Variants in LRMDA observed in about 807,000 individuals in gnomAD.
The protein encoded by LRMDA is leucine-rich melanocyte differentiation-associated protein.
LRMDA carries 18 observed loss-of-function variants against 29.8 expected under a neutral mutation model. That is an observed-to-expected ratio of 0.60 (90% CI 0.42 to 0.90). LRMDA has a LOEUF of 0.90. Ranked by LOEUF, LRMDA falls within the 40% of genes least tolerant of loss-of-function variation. LRMDA has a pLI of 0.00. For missense variants in LRMDA, 273 were observed against 273.9 expected (o/e 1.00, Z 0.02); for synonymous variants, 125 against 109.4 (o/e 1.14, Z -0.89).
intron 2 of LRMDA, chr10:75,552,423 TTTCC>T (rs74379610): frequency 3.5e-6 from 1 of 286,676 alleles, no homozygotes; most frequent in Non-Finnish European, 7.5e-6. Flanking sequence ...GTTTTTTTTT[TTTCC>T]CCCCCCTCTG....
intron 5 of LRMDA, among the ~76,000 whole-genome samples, chr10:76,144,247 AT>A (rs1850265957): frequency 6.6e-6 from 1 of 152,188 alleles, no homozygotes; most frequent in African/African-American, 2.4e-5. Context: ...TGGTAGCTTG[AT>A]GGAGATGGCA....
chr10:75,853,732 CTCTGTGATTTCA>C (rs2132313486), intron 2 of LRMDA, among the ~76,000 whole-genome samples: 1 of 152,322 alleles, frequency 6.6e-6, no homozygotes, highest in African/African-American at 2.4e-5. Context: ...AACCAGCCGA[CTCTGTGATTTCA>C]CAGTGATTCC....
rs1046567910 is a variant in LRMDA at position 75,796,794 on chromosome 10, A to G, written c.132-239214A>G. Reference sequence around the variant, plus strand: ...CGCCATGTTGGCCAGGCTTCTGTTGACCTCAGGTGATCCACCCGCCTTGGC... The same window carrying G: ...CGCCATGTTGGCCAGGCTTCTGTTGGCCTCAGGTGATCCACCCGCCTTGGC... On this transcript the variant is annotated intron_variant, in intron 2 of 6. Transcript: ENST00000611255. Among the ~76,000 whole-genome samples, 50 of 152,212 alleles carry G rather than the reference A, an allele frequency of 3.3e-4. 1 individual carries two copies. Among genetic ancestry groups the G allele is most frequent in the Non-Finnish European group, 5.6e-4 (38 of 68,008 alleles).
At chr10:75,732,333 G>C (rs532703212) in intron 2 of LRMDA, among the ~76,000 whole-genome samples, 1 of 152,294 alleles carries the variant, frequency 6.6e-6, no homozygotes, top group South Asian at 2.1e-4. Flanking sequence ...TAGGAATCCT[G>C]GGGCAAGGTT....
intron 5 of LRMDA, among the ~76,000 whole-genome samples, chr10:76,260,389 A>G (rs1281404200): frequency 6.6e-6 from 1 of 152,168 alleles, no homozygotes; most frequent in Non-Finnish European, 1.5e-5. Flanking sequence ...TGATGAATCC[A>G]CTTAGTTTTA....
intron 5 of LRMDA, among the ~76,000 whole-genome samples, chr10:76,242,837 G>C (rs1002655318): frequency 6.6e-6 from 1 of 152,036 alleles, no homozygotes; most frequent in Non-Finnish European, 1.5e-5. Flanking sequence ...CATATAGAAG[G>C]GTTCCTTGTA....
chr10:76,363,116 G>GGAAAGAAAGAAAGAAAGAAA lies in LRMDA; in HGVS notation c.601+38673_601+38692dup, dbSNP rs1192417224. Among the ~76,000 whole-genome samples, 39 of 51,522 alleles carry GGAAAGAAAGAAAGAAAGAAA rather than the reference G, an allele frequency of 7.6e-4. 3 individuals carry two copies. The highest frequency in any genetic ancestry group is 2.1e-3 in the East Asian group (4 of 1,872). The allele number at this position is 51,522 out of a possible 152,430, so 33.8% of individuals were successfully genotyped here. A position where few individuals can be genotyped will look rare whatever the true frequency, so the allele number is the denominator to read the frequency against. On this transcript the variant is annotated intron_variant, in intron 6 of 6. Transcript: ENST00000611255. ...CTAGAGGTTTCAGCCTGTGGAGTAA[G>GGAAAGAAAGAAAGAAAGAAA]GAAAGAAAGAAAGAAAGAAAGAAAG...
chr10:75,539,239 C>T (rs10437386), intron 2 of LRMDA, among the ~76,000 whole-genome samples: 2,316 of 152,236 alleles, frequency 0.015, 63 homozygotes, highest in African/African-American at 0.053. Flanking sequence ...GATGGAGACC[C>T]TCCATGGCTG....
chr10:75,928,367 C>T (rs571167909), intron 2 of LRMDA, among the ~76,000 whole-genome samples: 1 of 151,810 alleles, frequency 6.6e-6, no homozygotes, highest in African/African-American at 2.4e-5. Flanking sequence ...TTGCGTGATA[C>T]AATTTAAAAG....
intron 6 of LRMDA, among the ~76,000 whole-genome samples, chr10:76,456,862 G>A (rs1842462138): frequency 6.6e-6 from 1 of 151,820 alleles, no homozygotes. Context: ...TTATTTTTTG[G>A]GGTCTGAAAT....
At chr10:75,861,018 T>C (rs1844920538) in intron 2 of LRMDA, among the ~76,000 whole-genome samples, 1 of 152,250 alleles carries the variant, frequency 6.6e-6, no homozygotes, top group South Asian at 2.1e-4. Flanking sequence ...TTGTTAACTG[T>C]CAGGTACCCT....
At chr10:76,186,070 ATT>A (rs5786220) in intron 5 of LRMDA, among the ~76,000 whole-genome samples, 10 of 151,128 alleles carry the variant, frequency 6.6e-5, no homozygotes, top group Non-Finnish European at 1.2e-4. Context: ...AGCTGGTGGG[ATT>A]TTTTTTTTCC....
intron 2 of LRMDA, among the ~76,000 whole-genome samples, chr10:75,903,922 A>G (rs1167488664): frequency 6.6e-6 from 1 of 152,216 alleles, no homozygotes; most frequent in African/African-American, 2.4e-5. Context: ...TTCGCAAATG[A>G]AATGGGGATT....
chr10:75,610,011 A>G (rs955083436), intron 2 of LRMDA, among the ~76,000 whole-genome samples: 1 of 152,170 alleles, frequency 6.6e-6, no homozygotes, highest in Non-Finnish European at 1.5e-5. Context: ...GGACTGCAAA[A>G]TCCTGCTAAC....
intron 5 of LRMDA, among the ~76,000 whole-genome samples, chr10:76,220,517 C>T (rs1244662883): frequency 6.6e-6 from 1 of 152,192 alleles, no homozygotes; most frequent in African/African-American, 2.4e-5. Flanking sequence ...CTACAAAAAT[C>T]TAGAAGAAAT....
intron 6 of LRMDA, among the ~76,000 whole-genome samples, chr10:76,342,964 G>C (rs919906433): frequency 6.6e-6 from 1 of 152,126 alleles, no homozygotes; most frequent in Non-Finnish European, 1.5e-5. Flanking sequence ...TAACAACCGG[G>C]TCTGGGGGCT....
intron 5 of LRMDA, among the ~76,000 whole-genome samples, chr10:76,306,951 C>A (rs772146485): frequency 1.1e-4 from 17 of 152,198 alleles, no homozygotes; most frequent in Non-Finnish European, 2.2e-4. Context: ...GAACATACCA[C>A]ACTGAGTTTA....
At chr10:76,448,297 T>C (rs1842372371) in intron 6 of LRMDA, among the ~76,000 whole-genome samples, 1 of 152,144 alleles carries the variant, frequency 6.6e-6, no homozygotes, top group Non-Finnish European at 1.5e-5. Flanking sequence ...AAAAGCAATT[T>C]TTTTAACAGC....
At chr10:76,222,417 T>A (rs1284434871) in intron 5 of LRMDA, among the ~76,000 whole-genome samples, 1 of 151,784 alleles carries the variant, frequency 6.6e-6, no homozygotes, top group African/African-American at 2.4e-5. Flanking sequence ...TCCAACAAAT[T>A]TACAAGAAAA....
Sources: gnomAD v4.1 joint callset for allele counts (sites outside exome capture counted in the v4.1 genomes callset) on GRCh38, gnomAD v4.1.1 for gene constraint, MANE v1.5 for transcripts, NCBI Gene and HGNC (gene_info 2026-07-23, HGNC 2026-07-21) for gene names.